The following NHSL1 variants were observed in gnomAD, a reference collection of about 807,000 sequenced individuals.
NHSL1 encodes the protein NHS-like protein 1.
NHSL1 carries 48 observed loss-of-function variants against 95.0 expected under a neutral mutation model. The observed-to-expected ratio is 0.51, with a 90% CI of 0.40 to 0.64. The LOEUF (loss-of-function observed/expected upper bound fraction) is 0.64, where lower values mean the gene tolerates loss of function less well. Among genes scored for constraint, NHSL1 ranks in the 30% least tolerant of loss-of-function variants. The probability of loss-of-function intolerance (pLI) is 0.00; values close to 1 mark genes in which losing one functional copy is unlikely to be tolerated. For missense variants in NHSL1, 1,971 were observed against 2,077.7 expected, an observed-to-expected ratio of 0.95 and a Z score of 1.00; for synonymous variants, 783 against 833.9, an observed-to-expected ratio of 0.94 and a Z score of 1.05.
intron 1 of NHSL1, among the ~76,000 whole-genome samples, chr6:138,561,676 A>T (rs1213197219): frequency 6.6e-6 from 1 of 152,168 alleles, no homozygotes; most frequent in African/African-American, 2.4e-5. Context: ...AGAACCCACG[A>T]TGTGCCCGCC....
intron 2 of NHSL1, among the ~76,000 whole-genome samples, chr6:138,474,928 C>T (rs1220114132): frequency 4.6e-5 from 7 of 152,110 alleles, no homozygotes; most frequent in South Asian, 2.1e-4. Context: ...GCAGGAGGAT[C>T]ATCTGAGGTC....
intron 1 of NHSL1, among the ~76,000 whole-genome samples, chr6:138,635,079 A>T (rs1387766905): frequency 7.0e-6 from 1 of 143,792 alleles, no homozygotes; most frequent in Non-Finnish European, 1.5e-5. Flanking sequence ...TACCTACATT[A>T]AAAAAAAAAA....
intron 1 of NHSL1, among the ~76,000 whole-genome samples, chr6:138,550,759 G>C (rs966516660): frequency 6.6e-5 from 10 of 152,182 alleles, no homozygotes; most frequent in Admixed American, 6.5e-4. Context: ...CACAGAATTA[G>C]TGCGTCTAGA....
At chr6:138,436,563 C>T (rs183575454) in intron 5 of NHSL1, among the ~76,000 whole-genome samples, 448 of 152,300 alleles carry the variant, frequency 2.9e-3, no homozygotes, top group Non-Finnish European at 5.5e-3. Context: ...CAAATGCTGA[C>T]GGAAAAGCTG....
At chr6:138,464,008 G>T in intron 3 of NHSL1, 1 of 314,346 alleles carries the variant, frequency 3.2e-6, no homozygotes, top group South Asian at 5.1e-5. Flanking sequence ...TCAGGACTTA[G>T]AACAATGCTT....
intron 1 of NHSL1, 46 bp downstream of exon 1, chr6:138,499,187 A>G (rs10457670): frequency 0.36 from 450,374 of 1,262,508 alleles, 83,135 homozygotes; most frequent in South Asian, 0.43. Context: ...ACACATATGG[A>G]AACATATGCA....
chr6:138,683,633 A>G (rs1785541397), intron 1 of NHSL1, among the ~76,000 whole-genome samples: 1 of 152,292 alleles, frequency 6.6e-6, no homozygotes, highest in South Asian at 2.1e-4. Context: ...GCCTCATCTG[A>G]GTATGGGAAG....
intron 1 of NHSL1, among the ~76,000 whole-genome samples, chr6:138,505,652 C>CA (rs10559023): frequency 0.01 from 877 of 87,304 alleles, 12 homozygotes; most frequent in Admixed American, 0.048. Flanking sequence ...GACTCCATTT[C>CA]AAAAAAAAAA....
intron 1 of NHSL1, among the ~76,000 whole-genome samples, chr6:138,616,716 C>A (rs1433550596): frequency 1.3e-5 from 2 of 152,192 alleles, no homozygotes; most frequent in African/African-American, 4.8e-5. Context: ...GAGGCCAGAA[C>A]AGGTCTTGCT....
At chr6:138,572,964 C>T (rs1783896878), upstream of NHSL1, among the ~76,000 whole-genome samples, 1 of 152,144 alleles carries the variant, frequency 6.6e-6, no homozygotes. Flanking sequence ...ATATAACGGA[C>T]CCGGCTATTC....
chr6:138,626,760 G>A (rs2114644880), intron 1 of NHSL1, among the ~76,000 whole-genome samples: 1 of 116,082 alleles, frequency 8.6e-6, no homozygotes, highest in East Asian at 2.5e-4. Context: ...CGGGCGTAGT[G>A]GCGGGCGCCT....
chr6:138,651,774 G>C (rs1051189946), intron 1 of NHSL1, among the ~76,000 whole-genome samples: 1 of 152,190 alleles, frequency 6.6e-6, no homozygotes, highest in Admixed American at 6.5e-5. Context: ...TACATTGACA[G>C]GAGGTGCCCA....
chr6:138,512,395 T>C, intron 1 of NHSL1: 1 of 442,550 alleles, frequency 2.3e-6, no homozygotes, highest in Admixed American at 2.5e-5. Context: ...CGATGTCCCA[T>C]GTTAAAATAG....
At chr6:138,484,172 GCT>G (rs1779588632) in intron 2 of NHSL1, among the ~76,000 whole-genome samples, 2 of 152,280 alleles carry the variant, frequency 1.3e-5, no homozygotes, top group South Asian at 4.1e-4. Context: ...GGATTAAAAA[GCT>G]AACTGCATCA....
At chr6:138,477,464 A>G (rs966213004) in intron 2 of NHSL1, among the ~76,000 whole-genome samples, 7 of 152,122 alleles carry the variant, frequency 4.6e-5, no homozygotes, top group Non-Finnish European at 8.8e-5. Flanking sequence ...TTAGCCGGGC[A>G]TGGTGGCATG....
chr6:138,496,456 C>T, intron 1 of NHSL1, 85 bp from the exon 2 acceptor site: 2 of 1,373,982 alleles, frequency 1.5e-6, no homozygotes, highest in Non-Finnish European at 2.0e-6. Context: ...CCATGTCTAA[C>T]ACATCCACGG....
In NHSL1 at chr6:138,437,413, TACACAC is replaced by T. The variant is rs71546236; in HGVS notation, c.665-3739_665-3734del. Among the ~76,000 whole-genome samples the T allele has an allele frequency of 2.7e-4, 13 of 47,916 alleles. 1 individual carries two copies. The highest frequency in any genetic ancestry group is 1.4e-3 in the African/African-American group (12 of 8,810). The allele number at this position is 47,916 out of a possible 152,430, so 31.4% of individuals were successfully genotyped here. A position where few individuals can be genotyped will look rare whatever the true frequency, so the allele number is the denominator to read the frequency against. ...ACATATATATATATATACACACATA[TACACAC>T]ACACACACACACACACACACACACA... On this transcript the variant is annotated intron_variant, in intron 5 of 7. Coordinates refer to ENST00000343505, the MANE Select transcript of NHSL1 (RefSeq NM_001144060.2).
At chr6:138,690,030 T>A (rs1206422866) in intron 1 of NHSL1, among the ~76,000 whole-genome samples, 1 of 152,208 alleles carries the variant, frequency 6.6e-6, no homozygotes, top group Non-Finnish European at 1.5e-5. Flanking sequence ...GGCCCGGATG[T>A]GTCATTACCC....
At chr6:138,619,769 G>T (rs1255910543) in intron 1 of NHSL1, among the ~76,000 whole-genome samples, 1 of 152,052 alleles carries the variant, frequency 6.6e-6, no homozygotes, top group Non-Finnish European at 1.5e-5. Context: ...CCAACATGGT[G>T]AAACCCCATC....
Sources: allele counts gnomAD v4.1 joint callset (sites outside exome capture counted in the v4.1 genomes callset), GRCh38; gene constraint gnomAD v4.1.1; transcripts MANE v1.5; gene names NCBI Gene and HGNC (gene_info 2026-07-23, HGNC 2026-07-21).